The following SCRN1 variants were observed in gnomAD, a reference collection of about 807,000 sequenced individuals.
The protein encoded by SCRN1 is secernin-1.
A neutral mutation model predicts 43.3 loss-of-function variants in SCRN1; 19 were observed. The ratio of observed to expected loss-of-function variants is 0.44; its 90% confidence interval spans 0.31 to 0.64. SCRN1 has a LOEUF of 0.64. Ranked by LOEUF, SCRN1 falls within the 30% of genes least tolerant of loss-of-function variation. SCRN1 has a pLI of 0.09. For synonymous variants in SCRN1, 183 were observed against 188.9 expected (o/e 0.97, Z 0.26); for missense variants, 447 against 524.1 (o/e 0.85, Z 1.44).
chr7:29,932,917 T>C (rs1180722141), intron 6 of SCRN1, among the ~76,000 whole-genome samples: 1 of 152,046 alleles, frequency 6.6e-6, no homozygotes, highest in Admixed American at 6.6e-5. Context: ...CACTCTGTCA[T>C]GCAGGCTGGA....
intron 6 of SCRN1, 125 bp from the exon 7 acceptor site, chr7:29,926,757 G>A (rs1003313778): frequency 4.5e-5 from 30 of 666,826 alleles, no homozygotes; most frequent in Middle Eastern, 8.8e-4. Context: ...TGTGGGTGAC[G>A]GGTGGGTGGG....
chr7:29,971,022 C>A (rs1037116269), intron 1 of SCRN1, among the ~76,000 whole-genome samples: 1 of 152,228 alleles, frequency 6.6e-6, no homozygotes. Context: ...GCATTACAGG[C>A]ACTCAAGAAA....
At chr7:29,935,641 T>A (rs549630273) in intron 6 of SCRN1, among the ~76,000 whole-genome samples, 5 of 152,304 alleles carry the variant, frequency 3.3e-5, no homozygotes, top group African/African-American at 1.2e-4. Flanking sequence ...TTTTGAAAAC[T>A]CCTCCAAGTG....
chr7:29,957,476 A>G (rs1788171549), intron 2 of SCRN1, among the ~76,000 whole-genome samples: 2 of 152,200 alleles, frequency 1.3e-5, no homozygotes, highest in Non-Finnish European at 2.9e-5. Context: ...TACAGAACTG[A>G]TGGACTTATT....
intron 2 of SCRN1, 33 bp from the exon 3 acceptor site, chr7:29,955,393 C>T (rs750147314): frequency 1.2e-5 from 19 of 1,602,664 alleles, no homozygotes; most frequent in Non-Finnish European, 1.6e-5. Context: ...AAAGCGCCAT[C>T]ACCTGTCAGG....
At chr7:29,970,337 A>G (rs1318950964) in intron 1 of SCRN1, among the ~76,000 whole-genome samples, 3 of 152,032 alleles carry the variant, frequency 2.0e-5, no homozygotes, top group African/African-American at 7.2e-5. Flanking sequence ...ACCTCTGCAC[A>G]TGCTCCATCC....
At chr7:29,959,262 T>C (rs1302146103) in intron 2 of SCRN1, among the ~76,000 whole-genome samples, 1 of 152,174 alleles carries the variant, frequency 6.6e-6, no homozygotes, top group Non-Finnish European at 1.5e-5. Context: ...GTGAGATGAG[T>C]TGATGAGTCA....
At chr7:29,927,370 AC>A (rs1787002769) in intron 6 of SCRN1, among the ~76,000 whole-genome samples, 3 of 37,078 alleles carry the variant, frequency 8.1e-5, no homozygotes, top group Non-Finnish European at 1.6e-4. Context: ...ACCCACCCAC[AC>A]ACACACACAC....
chr7:29,937,484 CT>C (rs1290430684), intron 5 of SCRN1, among the ~76,000 whole-genome samples: 1 of 152,086 alleles, frequency 6.6e-6, no homozygotes, highest in East Asian at 1.9e-4. Flanking sequence ...TTTGGGGTGT[CT>C]TTGTTACAGC....
chr7:29,935,025 C>T (rs147781463), intron 6 of SCRN1, among the ~76,000 whole-genome samples: 109 of 152,294 alleles, frequency 7.2e-4, no homozygotes, highest in Non-Finnish European at 1.3e-3. Flanking sequence ...CTCACAATGC[C>T]CAGTGCTCAA....
chr7:29,943,424 G>C (rs1006606871), intron 4 of SCRN1, among the ~76,000 whole-genome samples: 4 of 152,080 alleles, frequency 2.6e-5, no homozygotes, highest in Non-Finnish European at 2.9e-5. Context: ...GCAAATTTAT[G>C]GGCACTAAAT....
At chr7:29,978,087 A>C (rs1382828361) in intron 1 of SCRN1, among the ~76,000 whole-genome samples, 1 of 152,150 alleles carries the variant, frequency 6.6e-6, no homozygotes. Context: ...TCCAATTTCA[A>C]AGGCAATATC....
At chr7:29,935,360 C>G (rs1045315612) in intron 6 of SCRN1, among the ~76,000 whole-genome samples, 1 of 152,118 alleles carries the variant, frequency 6.6e-6, no homozygotes, top group African/African-American at 2.4e-5. Context: ...ATTCCTGAAA[C>G]AGTAAAAGGA....
At chr7:29,925,511 C>A (rs576010298) in intron 7 of SCRN1, among the ~76,000 whole-genome samples, 1 of 152,272 alleles carries the variant, frequency 6.6e-6, no homozygotes, top group Non-Finnish European at 1.5e-5. Flanking sequence ...GTCTAACAAG[C>A]ACGTTCCTTC....
intron 1 of SCRN1, chr7:29,969,796 G>T (rs1261901284): frequency 4.4e-6 from 2 of 456,066 alleles, no homozygotes; most frequent in Non-Finnish European, 8.8e-6. Context: ...TTCCAGCTGG[G>T]TTCTCACCTT....
At chr7:29,955,659 C>G (rs1788114541) in intron 2 of SCRN1, among the ~76,000 whole-genome samples, 1 of 152,182 alleles carries the variant, frequency 6.6e-6, no homozygotes, top group African/African-American at 2.4e-5. Flanking sequence ...TTTCAACAGG[C>G]ACAGGCGGCT....
intron 1 of SCRN1, among the ~76,000 whole-genome samples, chr7:29,983,899 A>G (rs1789068744): frequency 6.6e-6 from 1 of 152,186 alleles, no homozygotes; most frequent in African/African-American, 2.4e-5. Flanking sequence ...GGATGGGGAA[A>G]GGAAGAATGA....
At chr7:29,946,646 C>T (rs1212066964) in intron 3 of SCRN1, among the ~76,000 whole-genome samples, 2 of 152,224 alleles carry the variant, frequency 1.3e-5, no homozygotes, top group Non-Finnish European at 2.9e-5. Flanking sequence ...TTGATGTCCT[C>T]TGGCAGAGTT....
At chr7:29,966,181 G>GAGAGAGAGAGAGAGAA (rs1788488787) in intron 2 of SCRN1, among the ~76,000 whole-genome samples, 1 of 150,516 alleles carries the variant, frequency 6.6e-6, no homozygotes, top group African/African-American at 2.4e-5. Context: ...GAGAGAGAGA[G>GAGAGAGAGAGAGAGAA]AGAGAGAGAG....
Sources: gnomAD v4.1 joint callset for allele counts (sites outside exome capture counted in the v4.1 genomes callset) on GRCh38, gnomAD v4.1.1 for gene constraint, MANE v1.5 for transcripts, NCBI Gene and HGNC (gene_info 2026-07-23, HGNC 2026-07-21) for gene names.